The following ASCC3 variants were observed in gnomAD, a reference collection of about 807,000 sequenced individuals.
ASCC3 encodes the protein ASC-1 complex subunit P200.
Under a neutral mutation model 256.3 loss-of-function variants are expected in ASCC3, and 158 were observed. The observed-to-expected ratio is 0.62, with a 90% confidence interval of 0.54 to 0.70. ASCC3 has a LOEUF of 0.70. Among genes scored for constraint, ASCC3 ranks in the 30% least tolerant of loss-of-function variants. The pLI, the probability that ASCC3 is intolerant of heterozygous loss-of-function variation, is 0.00. For synonymous variants in ASCC3, 948 were observed against 883.4 expected, an observed-to-expected ratio of 1.07 and a Z score of -1.30; for missense variants, 2,259 against 2,626.0, an observed-to-expected ratio of 0.86 and a Z score of 3.05.
At chr6:100,541,626 T>C (rs1488790437) in intron 36 of ASCC3, among the ~76,000 whole-genome samples, 4 of 152,148 alleles carry the variant, frequency 2.6e-5, no homozygotes, top group Non-Finnish European at 4.4e-5. Flanking sequence ...ATTAACTGCA[T>C]TCCAGAACAG....
chr6:100,825,824 C>A (rs955305353), intron 4 of ASCC3, among the ~76,000 whole-genome samples: 1 of 151,842 alleles, frequency 6.6e-6, no homozygotes, highest in African/African-American at 2.4e-5. Context: ...TTTCTCTAAT[C>A]TTGTCTTCTC....
chr6:100,621,977 C>T lies in ASCC3; in HGVS notation c.4785+3215G>A, dbSNP rs191704569. Among the ~76,000 whole-genome samples, 172 of 152,244 alleles carry T rather than the reference C, an allele frequency of 1.1e-3. 1 individual carries two copies. Among genetic ancestry groups the T allele is most frequent in the African/African-American group, 3.9e-3 (161 of 41,528 alleles). ...GCTGGAAGCTGTTATCCTCAGCAAA[C>T]TAATGCAGGAACAGAAAACCAAACA... On this transcript the variant is annotated intron_variant, in intron 30 of 41. Transcript: ENST00000369162.
intron 4 of ASCC3, among the ~76,000 whole-genome samples, chr6:100,837,802 G>A (rs1771949165): frequency 6.6e-6 from 1 of 152,044 alleles, no homozygotes. Context: ...GGAGGAATAA[G>A]TTATGGCCTA....
chr6:100,741,583 CA>C (rs961008538), intron 10 of ASCC3, among the ~76,000 whole-genome samples: 1 of 152,116 alleles, frequency 6.6e-6, no homozygotes, highest in African/African-American at 2.4e-5. Context: ...CACTTATTTT[CA>C]TTCTTTTTTT....
chr6:100,576,064 G>A (rs937683246), intron 36 of ASCC3, among the ~76,000 whole-genome samples: 10 of 151,970 alleles, frequency 6.6e-5, no homozygotes, highest in Admixed American at 1.3e-4. Context: ...TCCATGCCAC[G>A]TAATCCCTGT....
chr6:100,704,049 A>ATT lies in ASCC3; in HGVS notation c.2151+11411_2151+11412dup, dbSNP rs35170339. 4.0e-5 allele frequency among the ~76,000 whole-genome samples: 6 copies of ATT among 148,308 alleles called. No individual in the cohort carries two copies. The South Asian group carries it at 6.3e-4, about 16-fold the overall frequency. ...AGAAAACTCAACATTACCAAGAAGT[A>ATT]TTTTTTTTTTTTGCCTGTGCAATAT... On this transcript the variant is annotated intron_variant, in intron 13 of 41. Transcript: ENST00000369162.
In ASCC3 at chr6:100,509,057, A is replaced by C. The variant is rs1319482445; in HGVS notation, c.*329T>G. 1 of 339,408 alleles carries C rather than the reference A, an allele frequency of 2.9e-6. No individual in the cohort carries two copies. The highest frequency in any genetic ancestry group is 5.7e-6 in the Non-Finnish European group (1 of 176,636). 21.0% of individuals were successfully genotyped at this position (339,408 alleles called of 1,614,324 possible). ...AAAAAAAGCAGCCAATATCCATGTAAACAGTACATTGTGAGATGTAAAATT... is the reference window on the plus strand; with the variant it reads ...AAAAAAAGCAGCCAATATCCATGTACACAGTACATTGTGAGATGTAAAATT... On this transcript the variant is annotated 3_prime_UTR_variant, in exon 42 of 42. Coordinates refer to ENST00000369162, the MANE Select transcript of ASCC3 (RefSeq NM_006828.4).
intron 10 of ASCC3, among the ~76,000 whole-genome samples, chr6:100,736,077 C>G (rs1780144266): frequency 6.6e-6 from 1 of 152,144 alleles, no homozygotes; most frequent in Admixed American, 6.5e-5. Context: ...TGGTCTGACA[C>G]ATGGAACATA....
intron 25 of ASCC3, among the ~76,000 whole-genome samples, chr6:100,634,390 C>T (rs1000657816): frequency 5.3e-5 from 8 of 152,134 alleles, no homozygotes; most frequent in African/African-American, 1.9e-4. Context: ...CCATCCTCTC[C>T]TTATCTCTCC....
intron 13 of ASCC3, among the ~76,000 whole-genome samples, chr6:100,699,649 G>A (rs1438657235): frequency 6.6e-6 from 1 of 152,142 alleles, no homozygotes; most frequent in African/African-American, 2.4e-5. Flanking sequence ...GAAGATGTGG[G>A]AAAGTTTGGA....
At chr6:100,800,562 C>G in intron 5 of ASCC3, 58 bp from the exon 6 acceptor site, 1 of 1,322,048 alleles carries the variant, frequency 7.6e-7, no homozygotes, top group Non-Finnish European at 1.1e-6. Context: ...ATTTAACCTT[C>G]ATGAAAACCA....
chr6:100,723,416 T>TA (rs1275626571), intron 11 of ASCC3, among the ~76,000 whole-genome samples: 3 of 151,488 alleles, frequency 2.0e-5, no homozygotes, highest in Non-Finnish European at 4.4e-5. Context: ...ATTATTTTTT[T>TA]AAAAAAAACT....
chr6:100,600,205 GCACACA>G (rs56886686), intron 34 of ASCC3, among the ~76,000 whole-genome samples: 49,324 of 145,690 alleles, frequency 0.34, 9,319 homozygotes, highest in Middle Eastern at 0.5. Context: ...ACATGCACAT[GCACACA>G]CACACACACA....
chr6:100,800,419 T>C lies in ASCC3; in HGVS notation c.1008A>G (p.Leu336=). 4 of 1,612,774 alleles carry C rather than the reference T, an allele frequency of 2.5e-6. No homozygotes were observed. Among genetic ancestry groups the C allele is most frequent in the Non-Finnish European group, 3.4e-6 (4 of 1,179,242 alleles). ...TTTCTTCACGTCGATATTGTTTCAT[T>C]AACTGCTTTTCTTGTTCAGACTGAA... The part of the protein sequence containing the change: ...VTIQSEQEKQ[L]MKQYRREEKR... Residue 336 remains leucine (L), a synonymous_variant, in exon 6 of 42, where the codon TTA becomes TTG. Transcript: ENST00000369162.
intron 14 of ASCC3, among the ~76,000 whole-genome samples, chr6:100,673,535 T>C (rs1776858547): frequency 6.6e-6 from 1 of 151,600 alleles, no homozygotes; most frequent in South Asian, 2.1e-4. Flanking sequence ...GAAAAAAAAA[T>C]AGCTACAATC....
intron 11 of ASCC3, among the ~76,000 whole-genome samples, chr6:100,721,852 C>G (rs1050907001): frequency 6.6e-6 from 1 of 151,276 alleles, no homozygotes; most frequent in African/African-American, 2.4e-5. Context: ...TCCTACCTGT[C>G]AATTTTTGGT....
rs373556399 is a variant in ASCC3, at chr6:100,638,795, T to C, written c.3928A>G (p.Ile1310Val). The C allele has an allele frequency of 1.7e-5, 28 of 1,614,090 alleles. No individual in the cohort carries two copies. The highest frequency in any genetic ancestry group is 7.7e-5 in the South Asian group (7 of 91,084). ...TELLDLQPLP[I>V]TALGCKAYEA... ...TATGCTTTACATCCCAAAGCTGTGA[T>C]TGGTAAAGGCTGAAGATCCAGTAAT... The change falls in exon 25 of 42, where the codon ATC (isoleucine) becomes GTC (valine). Residue 1310 changes from isoleucine to valine, a missense_variant. By Grantham distance (29) the Ile-to-Val change is conservative. This residue lies in a region of ASCC3 where 1,839 missense variants were observed against 2,206.7 expected (regional missense o/e 0.83). Transcript: ENST00000369162.
chr6:100,780,994 T>A (rs1782418465), intron 8 of ASCC3, among the ~76,000 whole-genome samples: 1 of 152,214 alleles, frequency 6.6e-6, no homozygotes, highest in African/African-American at 2.4e-5. Flanking sequence ...TATTTTCCTT[T>A]AAAATATGAC....
At chr6:100,752,503 G>T (rs1780985358) in intron 10 of ASCC3, among the ~76,000 whole-genome samples, 1 of 151,972 alleles carries the variant, frequency 6.6e-6, no homozygotes, top group Non-Finnish European at 1.5e-5. Flanking sequence ...AATACCTTCA[G>T]CCATCTTTTC....
Sources: allele counts gnomAD v4.1 joint callset (sites outside exome capture counted in the v4.1 genomes callset), GRCh38; gene constraint gnomAD v4.1.1; regional missense constraint gnomAD v4.1.1; transcripts MANE v1.5; gene names NCBI Gene and HGNC (gene_info 2026-07-23, HGNC 2026-07-21).